Variants in ZER1 observed in about 807,000 individuals in gnomAD.
ZER1 encodes the protein protein zer-1 homolog.
Under a neutral mutation model 78.8 loss-of-function variants are expected in ZER1, and 11 were observed. The observed-to-expected ratio is 0.14, with a 90% CI of 0.09 to 0.23. The LOEUF is 0.23. Ranked by LOEUF, ZER1 falls within the 10% of genes least tolerant of loss-of-function variation. ZER1 has a pLI of 1.00. For synonymous variants in ZER1, 400 were observed against 407.0 expected (o/e 0.98, Z 0.21); for missense variants, 588 against 996.9 (o/e 0.59, Z 5.52).
intron 14 of ZER1, among the ~76,000 whole-genome samples, chr9:128,735,072 G>A (rs1316960841): frequency 5.3e-5 from 8 of 151,772 alleles, no homozygotes; most frequent in Admixed American, 4.6e-4. Flanking sequence ...GACTGTTCCT[G>A]CACATGGAAG....
At position 128,753,650 on chromosome 9, in the gene ZER1, C is replaced by T. The variant is rs201210643; in HGVS notation, c.310-50G>A. 2.9e-5 allele frequency: 46 copies of T among 1,591,472 alleles called. No individual in the cohort carries two copies. In the African/African-American group the frequency reaches 3.5e-4, roughly 12 times the overall value. On this transcript the variant is annotated intron_variant, in intron 3 of 15. Transcript: ENST00000291900. The surrounding 1 kb of genome is among the most constrained non-coding windows in gnomAD (Gnocchi z 7.5). Reference sequence around the variant, plus strand: ...TCATCACCACCCTTGCCCCTTCCCCCGGCCCCAGGCCTTGCCCTGGGCTAC... The same window carrying T: ...TCATCACCACCCTTGCCCCTTCCCCTGGCCCCAGGCCTTGCCCTGGGCTAC...
chr9:128,768,952 C>CT (rs528758143), intron 1 of ZER1, among the ~76,000 whole-genome samples: 9 of 148,426 alleles, frequency 6.1e-5, no homozygotes, highest in East Asian at 2.0e-4. Context: ...CATTTTAATT[C>CT]TTTTTTTTTT....
chr9:128,743,893 C>CTTTTT (rs35174986), intron 8 of ZER1, among the ~76,000 whole-genome samples: 1 of 38,540 alleles, frequency 2.6e-5, no homozygotes, highest in Admixed American at 3.9e-4. Context: ...ATGGCCCCTG[C>CTTTTT]TTTTTTTTTT....
rs201752916 is a variant in ZER1, at chr9:128,740,022, C to T, written c.1951G>A (p.Val651Ile). Residue 651 changes from valine to isoleucine, a missense_variant, in exon 13 of 16, where the codon GTC (valine) becomes ATC (isoleucine). This residue lies in a region of ZER1 where 122 missense variants were observed against 173.5 expected (regional missense o/e 0.70). Transcript: ENST00000291900. This position sits in a 1 kb window ranked among gnomAD's most constrained non-coding sequence, Gnocchi z 4.4. ...ACCTCCTCACGCTGGGGCTCACAGA[C>T]GCCCCAGGCCTCGGGTCCATCAAAC... ...IMFDGPEAWGVCEPQREEVEE... is the reference protein window; with the variant it reads ...IMFDGPEAWGICEPQREEVEE... 3.0e-5 allele frequency: 48 copies of T among 1,613,978 alleles called. No individual in the cohort carries two copies. The Admixed American group carries it at 3.3e-4, about 11-fold the overall frequency.
chr9:128,751,717 T>C lies in ZER1; in HGVS notation c.924-190A>G, dbSNP rs144676431. ...ATGGAAGCATGGCAAAGCCACATAG[T>C]AGGGGAACACATAGGATGGGCAATG... On this transcript the variant is annotated intron_variant, in intron 5 of 15. Transcript: ENST00000291900. The surrounding 1 kb of genome is among the most constrained non-coding windows in gnomAD (Gnocchi z 5.4). Among the ~76,000 whole-genome samples the C allele has an allele frequency of 3.9e-5, 6 of 152,276 alleles. No homozygotes were observed. The highest frequency in any genetic ancestry group is 5.9e-5 in the Non-Finnish European group (4 of 68,026).
chr9:128,733,337 C>A, intron 15 of ZER1, 89 bp downstream of exon 15: 1 of 1,106,824 alleles, frequency 9.0e-7, no homozygotes, highest in Non-Finnish European at 1.3e-6. Flanking sequence ...CTGGGAATTT[C>A]AGCCATTCCT....
chr9:128,738,105 C>T (rs1199723702), intron 13 of ZER1, among the ~76,000 whole-genome samples: 4 of 149,276 alleles, frequency 2.7e-5, no homozygotes, highest in Admixed American at 6.8e-5. Context: ...AGTGCAGTGG[C>T]GCGATCTTGG....
At position 128,770,800 on chromosome 9, in the gene ZER1, G is replaced by T. The variant is rs369062344; in HGVS notation, c.-95+781C>A. ...TCCTAACCAGTTTGAAGTCTGAAGA[G>T]AAACATTCTGTGAAAGATCATATAT... On this transcript the variant is annotated intron_variant, in intron 1 of 15. Coordinates refer to ENST00000291900, the MANE Select transcript of ZER1 (RefSeq NM_006336.4). 2.9e-4 allele frequency among the ~76,000 whole-genome samples: 44 copies of T among 152,262 alleles called. 1 individual carries two copies. The South Asian group carries it at 9.1e-3, about 32-fold the overall frequency.
chr9:128,740,732 G>A lies in ZER1; in HGVS notation c.1853+40C>T. 1 of 778,074 alleles carries A rather than the reference G, an allele frequency of 1.3e-6. No individual in the cohort carries two copies. Among genetic ancestry groups the A allele is most frequent in the Non-Finnish European group, 2.4e-6 (1 of 416,408 alleles). 48.2% of individuals were successfully genotyped at this position (778,074 alleles called of 1,614,324 possible). On this transcript the variant is annotated intron_variant, in intron 12 of 15. Transcript: ENST00000291900. This position sits in a 1 kb window ranked among gnomAD's most constrained non-coding sequence, Gnocchi z 4.4. ...CAAACGCTAGAGCTCTGAGCATTGT[G>A]GCAGCTAAGGCAAAAAGGGAAAGGA...
At chr9:128,750,312 C>G (rs1197202246) in intron 8 of ZER1, among the ~76,000 whole-genome samples, 3 of 152,164 alleles carry the variant, frequency 2.0e-5, no homozygotes, top group African/African-American at 7.2e-5. Flanking sequence ...ATATTAAAAG[C>G]AGCTGTTGGT....
In ZER1 at chr9:128,752,655, T is replaced by C; in HGVS notation, c.923+18A>G. On this transcript the variant is annotated intron_variant, in intron 5 of 15. Coordinates refer to ENST00000291900, the MANE Select transcript of ZER1 (RefSeq NM_006336.4). Reference sequence around the variant, plus strand: ...TTGAATGACACCCTACCAGTAGCCATGGAGGCTGGGGCCCCACCTGGTCTG... The same window carrying C: ...TTGAATGACACCCTACCAGTAGCCACGGAGGCTGGGGCCCCACCTGGTCTG... 1 of 1,603,312 alleles carries C rather than the reference T, an allele frequency of 6.2e-7. No individual in the cohort carries two copies. Among genetic ancestry groups the C allele is most frequent in the Non-Finnish European group, 8.5e-7 (1 of 1,174,856 alleles).
At chr9:128,771,930 G>C (rs1864401365), upstream of ZER1, 2 of 152,280 alleles carry the variant, frequency 1.3e-5, no homozygotes, top group Admixed American at 6.5e-5. Flanking sequence ...ACAAACCCGG[G>C]GCGCGTCACT....
chr9:128,763,010 G>T (rs1796587303), intron 1 of ZER1, among the ~76,000 whole-genome samples: 1 of 152,132 alleles, frequency 6.6e-6, no homozygotes, highest in Admixed American at 6.6e-5. Context: ...CCCTACTCCA[G>T]CCAGCCTGGC....
At chr9:128,761,610 T>G (rs975877065) in intron 1 of ZER1, among the ~76,000 whole-genome samples, 4 of 145,198 alleles carry the variant, frequency 2.8e-5, no homozygotes, top group South Asian at 4.6e-4. Context: ...TTTGTTTTTT[T>G]TTTTTTTTTT....
rs779134646 is a variant in ZER1, at chr9:128,753,377, C to T, written c.533G>A (p.Arg178His). Residue 178 changes from arginine to histidine, a missense_variant, in exon 4 of 16, where the codon CGC becomes CAC. Coordinates refer to ENST00000291900, the MANE Select transcript of ZER1 (RefSeq NM_006336.4). This position sits in a 1 kb window ranked among gnomAD's most constrained non-coding sequence, Gnocchi z 7.5. The part of the protein sequence containing the change: ...DFTFEGFSRL[R>H]FLNLGRMIDW... Reference sequence around the variant, plus strand: ...AATCATGCGGCCCAAGTTGAGGAAGCGGAGGCGGCTGAAGCCCTCGAAGGT... The same window carrying T: ...AATCATGCGGCCCAAGTTGAGGAAGTGGAGGCGGCTGAAGCCCTCGAAGGT... The T allele has an allele frequency of 4.3e-6, 7 of 1,613,934 alleles. No homozygotes were observed. Among genetic ancestry groups the T allele is most frequent in the African/African-American group, 1.3e-5 (1 of 75,054 alleles).
At chr9:128,739,862 G>C in intron 13 of ZER1, 69 bp downstream of exon 13, 3 of 1,536,892 alleles carry the variant, frequency 2.0e-6, no homozygotes, top group Non-Finnish European at 2.7e-6. Flanking sequence ...GACCTTAATG[G>C]TATGAGCATC....
At position 128,753,775 on chromosome 9, in the gene ZER1, G is replaced by C. The variant is rs752048562; in HGVS notation, c.309+34C>G. On this transcript the variant is annotated intron_variant, in intron 3 of 15. Coordinates refer to ENST00000291900, the MANE Select transcript of ZER1 (RefSeq NM_006336.4). The surrounding 1 kb of genome is among the most constrained non-coding windows in gnomAD (Gnocchi z 7.5). ...AGCAGCCTGGCCCCTGCTTGGTGTG[G>C]GCCCTCCTGGCGCTGTGGCGGGGCA... The C allele has an allele frequency of 1.3e-6, 2 of 1,595,310 alleles. No individual in the cohort carries two copies. Among genetic ancestry groups the C allele is most frequent in the Admixed American group, 1.7e-5 (1 of 58,192 alleles).
Position 128,733,647 on chromosome 9 carries a change from T to C in ZER1, c.2141-119A>G, listed in dbSNP as rs574018830. The C allele has an allele frequency of 1.9e-4, 168 of 862,178 alleles. No individual in the cohort carries two copies. In the African/African-American group the frequency reaches 2.3e-3, roughly 12 times the overall value. 53.4% of individuals were successfully genotyped at this position (862,178 alleles called of 1,614,324 possible). ...TGTCGGGGGTGTGAAGGCACAGCCC[T>C]TGGTGGGGGCAGTGCTAGAAATGGG... On this transcript the variant is annotated intron_variant, in intron 14 of 15. Transcript: ENST00000291900.
At chr9:128,742,774 A>G in intron 8 of ZER1, 29 bp from the exon 9 acceptor site, 1 of 1,573,234 alleles carries the variant, frequency 6.4e-7, no homozygotes, top group East Asian at 2.3e-5. Context: ...CAAGTGGGGC[A>G]CATTCAGGGT....
Sources: allele counts gnomAD v4.1 joint callset (sites outside exome capture counted in the v4.1 genomes callset), GRCh38; gene constraint gnomAD v4.1.1; regional missense constraint gnomAD v4.1.1; non-coding constraint Gnocchi (gnomAD v3.1); transcripts MANE v1.5; gene names NCBI Gene and HGNC (gene_info 2026-07-23, HGNC 2026-07-21).